STXBP5L: variants seen among roughly 807,000 people sequenced by gnomAD.
STXBP5L encodes the protein syntaxin binding protein 5L.
A neutral mutation model predicts 144.5 loss-of-function variants in STXBP5L; 65 were observed. The observed-to-expected ratio is 0.45, with a 90% CI of 0.37 to 0.55. The LOEUF is 0.55. Ranked by LOEUF, STXBP5L falls within the 20% of genes least tolerant of loss-of-function variation. The pLI is 0.00. For synonymous variants in STXBP5L, 505 were observed against 469.6 expected (o/e 1.08, Z -0.97); for missense variants, 1,298 against 1,405.5 (o/e 0.92, Z 1.22).
In STXBP5L at chr3:121,193,505, A is replaced by G. The variant is rs569796913; in HGVS notation, c.878-12418A>G. On this transcript the variant is annotated intron_variant, in intron 9 of 26. Coordinates refer to ENST00000471454, the MANE Select transcript of STXBP5L (RefSeq NM_001308330.2). ...CCAAAGGATTATAAATCATGCTAAT[A>G]TAAAGAAACATGTACATGTATGTTT... Among the ~76,000 whole-genome samples the G allele has an allele frequency of 3.9e-5, 6 of 152,276 alleles. No individual in the cohort carries two copies. In the South Asian group the frequency reaches 6.2e-4, roughly 16 times the overall value.
At chr3:121,264,499 C>T (rs1468795221) in intron 18 of STXBP5L, among the ~76,000 whole-genome samples, 11 of 151,962 alleles carry the variant, frequency 7.2e-5, no homozygotes, top group Admixed American at 1.3e-4. Flanking sequence ...AAGAAAAAAC[C>T]GGTACTAGCC....
At chr3:121,175,195 G>A (rs949663611) in intron 9 of STXBP5L, among the ~76,000 whole-genome samples, 1 of 152,006 alleles carries the variant, frequency 6.6e-6, no homozygotes. Flanking sequence ...TTCTCTCTGG[G>A]GAACAAAGAC....
chr3:120,940,916 A>G (rs1279860735), intron 2 of STXBP5L, among the ~76,000 whole-genome samples: 1 of 151,678 alleles, frequency 6.6e-6, no homozygotes, highest in Non-Finnish European at 1.5e-5. Flanking sequence ...ACATATATAT[A>G]TATAATATTA....
intron 9 of STXBP5L, among the ~76,000 whole-genome samples, chr3:121,181,085 A>G (rs1371958746): frequency 2.0e-5 from 3 of 148,502 alleles, no homozygotes; most frequent in Non-Finnish European, 4.5e-5. Flanking sequence ...GGGCAACAAG[A>G]GTGAAACTCT....
chr3:121,292,683 T>C (rs1424729221), intron 19 of STXBP5L, among the ~76,000 whole-genome samples: 5 of 152,128 alleles, frequency 3.3e-5, no homozygotes, highest in Admixed American at 2.0e-4. Flanking sequence ...ATGTGGTATA[T>C]CATGGAATAC....
intron 9 of STXBP5L, among the ~76,000 whole-genome samples, chr3:121,165,361 A>G (rs903817149): frequency 2.6e-5 from 4 of 152,168 alleles, no homozygotes; most frequent in African/African-American, 9.7e-5. Context: ...TTCCCCCAGC[A>G]CTATGATGAT....
chr3:121,360,525 G>A (rs1460181660), intron 20 of STXBP5L, among the ~76,000 whole-genome samples: 1 of 151,908 alleles, frequency 6.6e-6, no homozygotes, highest in African/African-American at 2.4e-5. Flanking sequence ...TGGGTGATAT[G>A]ATTTCGTTTC....
At chr3:121,250,267 A>C (rs895451713) in intron 14 of STXBP5L, among the ~76,000 whole-genome samples, 1 of 151,976 alleles carries the variant, frequency 6.6e-6, no homozygotes, top group Non-Finnish European at 1.5e-5. Flanking sequence ...TAGAATTGAC[A>C]TTTGATTATT....
intron 3 of STXBP5L, among the ~76,000 whole-genome samples, chr3:120,977,313 C>T (rs903611217): frequency 2.0e-5 from 3 of 152,070 alleles, no homozygotes; most frequent in South Asian, 2.1e-4. Context: ...CCTTCTTTGT[C>T]CCTTTTGATC....
chr3:121,367,841 T>C (rs960595863), intron 20 of STXBP5L, among the ~76,000 whole-genome samples: 1 of 130,542 alleles, frequency 7.7e-6, no homozygotes, highest in African/African-American at 2.9e-5. Flanking sequence ...CCCAGGATGG[T>C]CTCAAACTCC....
At chr3:120,947,872 G>A (rs898739204) in intron 2 of STXBP5L, among the ~76,000 whole-genome samples, 1 of 151,776 alleles carries the variant, frequency 6.6e-6, no homozygotes, top group Non-Finnish European at 1.5e-5. Context: ...GGACATTTGA[G>A]TTGTTTCTTT....
chr3:121,178,304 T>A (rs993203103), intron 9 of STXBP5L, among the ~76,000 whole-genome samples: 2 of 152,172 alleles, frequency 1.3e-5, no homozygotes, highest in Non-Finnish European at 2.9e-5. Flanking sequence ...TACTACAATT[T>A]AAAAAACTAC....
chr3:120,964,649 T>C (rs1277638127), intron 3 of STXBP5L, among the ~76,000 whole-genome samples: 1 of 152,220 alleles, frequency 6.6e-6, no homozygotes. Flanking sequence ...TTTGTTGTAA[T>C]TTCTGTTCTT....
At chr3:121,000,352 G>T (rs1437990109) in intron 3 of STXBP5L, among the ~76,000 whole-genome samples, 2 of 151,940 alleles carry the variant, frequency 1.3e-5, no homozygotes, top group African/African-American at 2.4e-5. Context: ...TAGATTTGAA[G>T]AGCCAGTCTT....
chr3:121,196,448 C>T lies in STXBP5L; in HGVS notation c.878-9475C>T, dbSNP rs146017134. ...GCCACCGCACCCGGCAATATTAATT[C>T]TCCCAGTCCATAAAAACGGAGGTCT... On this transcript the variant is annotated intron_variant, in intron 9 of 26. Coordinates refer to ENST00000471454, the MANE Select transcript of STXBP5L (RefSeq NM_001308330.2). 2.9e-3 allele frequency among the ~76,000 whole-genome samples: 436 copies of T among 152,130 alleles called. 4 individuals are homozygous for T. Among genetic ancestry groups the T allele is most frequent in the South Asian group, 5.6e-3 (27 of 4,818 alleles).
chr3:121,263,597 G>A (rs1243711487), intron 18 of STXBP5L, among the ~76,000 whole-genome samples: 5 of 152,122 alleles, frequency 3.3e-5, no homozygotes, highest in Admixed American at 1.3e-4. Context: ...GAACAGCTAA[G>A]TAAGATAACC....
At chr3:121,169,834 G>A (rs991176017) in intron 9 of STXBP5L, among the ~76,000 whole-genome samples, 12 of 152,088 alleles carry the variant, frequency 7.9e-5, no homozygotes, top group Admixed American at 3.3e-4. Flanking sequence ...CTCAGCTCTG[G>A]ACCATGCAGA....
In STXBP5L at chr3:121,069,272, G is replaced by A. The variant is rs1037842633; in HGVS notation, c.470+23737G>A. Reference sequence around the variant, plus strand: ...ATACAATGTGTAACTTTTTGGGATTGTATTTTTACAAAGCATAATTTCCTG... The same window carrying A: ...ATACAATGTGTAACTTTTTGGGATTATATTTTTACAAAGCATAATTTCCTG... On this transcript the variant is annotated intron_variant, in intron 5 of 26. Coordinates refer to ENST00000471454, the MANE Select transcript of STXBP5L (RefSeq NM_001308330.2). Among the ~76,000 whole-genome samples, 175 of 152,164 alleles carry A rather than the reference G, an allele frequency of 1.2e-3. 1 individual carries two copies. The highest frequency in any genetic ancestry group is 0.011 in the Admixed American group (175 of 15,266).
At chr3:121,191,590 G>T (rs1004633775) in intron 9 of STXBP5L, among the ~76,000 whole-genome samples, 1 of 152,082 alleles carries the variant, frequency 6.6e-6, no homozygotes, top group Non-Finnish European at 1.5e-5. Flanking sequence ...TTCCAATTCT[G>T]TGAAGAAAGT....
Sources: gnomAD v4.1 joint callset for allele counts (sites outside exome capture counted in the v4.1 genomes callset) on GRCh38, gnomAD v4.1.1 for gene constraint, MANE v1.5 for transcripts, NCBI Gene and HGNC (gene_info 2026-07-23, HGNC 2026-07-21) for gene names.